CAMKMT: variants seen among roughly 807,000 people sequenced by gnomAD.
CAMKMT encodes the protein calmodulin-lysine N-methyltransferase.
In CAMKMT, 53 loss-of-function variants were observed where a neutral mutation model predicts 48.0. The observed-to-expected ratio is 1.10, with a 90% CI of 0.89 to 1.39. CAMKMT has a LOEUF of 1.39. Among genes scored for constraint, CAMKMT ranks in the 40% most tolerant of loss-of-function variants. CAMKMT has a pLI of 0.00. For synonymous variants in CAMKMT, 165 were observed against 152.3 expected (o/e 1.08, Z -0.61); for missense variants, 428 against 402.7 (o/e 1.06, Z -0.54).
chr2:44,524,020 G>T (rs1442413789), intron 3 of CAMKMT, among the ~76,000 whole-genome samples: 10 of 151,434 alleles, frequency 6.6e-5, no homozygotes, highest in African/African-American at 2.4e-4. Flanking sequence ...CAGGTGATCC[G>T]CTCGCCTCGG....
At chr2:44,704,466 A>G in intron 4 of CAMKMT, 123 bp downstream of exon 4, 1 of 642,304 alleles carries the variant, frequency 1.6e-6, no homozygotes, top group East Asian at 2.9e-5. Flanking sequence ...AAAGAAAAAC[A>G]GGAAGAAAAG....
At chr2:44,674,710 G>A (rs1484325872) in intron 3 of CAMKMT, among the ~76,000 whole-genome samples, 2 of 152,192 alleles carry the variant, frequency 1.3e-5, no homozygotes, top group Non-Finnish European at 2.9e-5. Flanking sequence ...CATTGAGTTT[G>A]AAATGCTAAC....
intron 3 of CAMKMT, among the ~76,000 whole-genome samples, chr2:44,508,595 C>G (rs1670378145): frequency 6.6e-6 from 1 of 152,034 alleles, no homozygotes; most frequent in African/African-American, 2.4e-5. Context: ...TACCTTATCT[C>G]AAAGGAATAC....
chr2:44,735,416 G>T (rs1030226667), intron 7 of CAMKMT, among the ~76,000 whole-genome samples: 1 of 151,954 alleles, frequency 6.6e-6, no homozygotes, highest in Non-Finnish European at 1.5e-5. Context: ...TCTATTCTTT[G>T]TTCCCCCTTT....
intron 3 of CAMKMT, among the ~76,000 whole-genome samples, chr2:44,459,399 T>C (rs184118509): frequency 1.3e-5 from 2 of 152,328 alleles, no homozygotes; most frequent in African/African-American, 2.4e-5. Context: ...CTGGTTGTTA[T>C]AGATTGTTGT....
intron 3 of CAMKMT, among the ~76,000 whole-genome samples, chr2:44,602,657 G>A (rs1299010832): frequency 6.6e-6 from 1 of 152,026 alleles, no homozygotes; most frequent in Admixed American, 6.5e-5. Flanking sequence ...AAAGTGAAGG[G>A]GAAGCAAGCA....
intron 3 of CAMKMT, among the ~76,000 whole-genome samples, chr2:44,567,849 C>T (rs1052602719): frequency 6.6e-6 from 1 of 152,186 alleles, no homozygotes; most frequent in Non-Finnish European, 1.5e-5. Context: ...ACAGTAACTG[C>T]TCTCTTTGGA....
intron 9 of CAMKMT, among the ~76,000 whole-genome samples, chr2:44,756,411 T>C (rs1238992874): frequency 6.6e-6 from 1 of 152,098 alleles, no homozygotes; most frequent in East Asian, 1.9e-4. Context: ...AACAACTCCA[T>C]GGTTTTGTGG....
chr2:44,470,994 C>CTTTT (rs11362559), intron 3 of CAMKMT, among the ~76,000 whole-genome samples: 5 of 74,924 alleles, frequency 6.7e-5, no homozygotes, highest in African/African-American at 1.4e-4. Context: ...CTCTCTCTCT[C>CTTTT]TTTTTTTTTT....
chr2:44,440,939 C>T (rs1666617397), intron 3 of CAMKMT, among the ~76,000 whole-genome samples: 1 of 152,060 alleles, frequency 6.6e-6, no homozygotes, highest in Non-Finnish European at 1.5e-5. Flanking sequence ...TTTCTCTTTT[C>T]TTAAAATGGC....
At chr2:44,497,656 T>C (rs1669811984) in intron 3 of CAMKMT, among the ~76,000 whole-genome samples, 1 of 151,612 alleles carries the variant, frequency 6.6e-6, no homozygotes, top group African/African-American at 2.4e-5. Context: ...ATTATTTGAT[T>C]TTATTTTGAG....
chr2:44,506,823 A>C (rs1347634358), intron 3 of CAMKMT, among the ~76,000 whole-genome samples: 1 of 152,184 alleles, frequency 6.6e-6, no homozygotes, highest in East Asian at 1.9e-4. Context: ...TCATATTTCA[A>C]AATGTGTTAG....
At chr2:44,639,220 G>C (rs1200918257) in intron 3 of CAMKMT, among the ~76,000 whole-genome samples, 1 of 152,210 alleles carries the variant, frequency 6.6e-6, no homozygotes, top group African/African-American at 2.4e-5. Context: ...TAACTAGTCA[G>C]TGGGCAAGGA....
intron 1 of CAMKMT, among the ~76,000 whole-genome samples, chr2:44,370,598 G>A (rs574365628): frequency 2.8e-4 from 43 of 151,858 alleles, no homozygotes; most frequent in Admixed American, 1.9e-3. Context: ...AAGAAACAAC[G>A]TTTAGTATTA....
In CAMKMT at chr2:44,653,857, A is replaced by G. The variant is rs78854468; in HGVS notation, c.377-50426A>G. 5.8e-3 allele frequency among the ~76,000 whole-genome samples: 879 copies of G among 152,310 alleles called. 10 individuals carry two copies. Among genetic ancestry groups the G allele is most frequent in the African/African-American group, 0.02 (834 of 41,572 alleles). The stretch of plus-strand genomic sequence containing the variant: ...TGACACATAGTAGACATCAATTAAT[A>G]TTTGTTGAGTGAAAGAATGAAACCA... On this transcript the variant is annotated intron_variant, in intron 3 of 10. Transcript: ENST00000378494. The surrounding 1 kb of genome is among the most constrained non-coding windows in gnomAD (Gnocchi z 5.2).
intron 3 of CAMKMT, among the ~76,000 whole-genome samples, chr2:44,486,242 C>T (rs998049251): frequency 6.6e-6 from 1 of 152,152 alleles, no homozygotes; most frequent in African/African-American, 2.4e-5. Context: ...GCTGGGATTA[C>T]AGGTGTGAGC....
At chr2:44,551,097 C>A (rs1667690297) in intron 3 of CAMKMT, among the ~76,000 whole-genome samples, 1 of 149,252 alleles carries the variant, frequency 6.7e-6, no homozygotes, top group Non-Finnish European at 1.5e-5. Context: ...TTCTAGGGTT[C>A]AGGGTAGAGT....
intron 3 of CAMKMT, among the ~76,000 whole-genome samples, chr2:44,570,150 G>A (rs116306324): frequency 0.024 from 3,586 of 152,052 alleles, 139 homozygotes; most frequent in African/African-American, 0.081. Flanking sequence ...AATACAATGA[G>A]GTCCATTTAA....
intron 3 of CAMKMT, among the ~76,000 whole-genome samples, chr2:44,490,665 A>G (rs1463629255): frequency 3.3e-5 from 5 of 152,124 alleles, no homozygotes; most frequent in Non-Finnish European, 7.4e-5. Context: ...TGAAAGTTAT[A>G]TGTATTATAA....
Sources: gnomAD v4.1 joint callset for allele counts (sites outside exome capture counted in the v4.1 genomes callset) on GRCh38, gnomAD v4.1.1 for gene constraint, Gnocchi (gnomAD v3.1) non-coding constraint, MANE v1.5 for transcripts, NCBI Gene and HGNC (gene_info 2026-07-23, HGNC 2026-07-21) for gene names.